PAK1: variants seen among roughly 807,000 people sequenced by gnomAD.
The protein encoded by PAK1 is p21 (RAC1) activated kinase 1.
A neutral mutation model predicts 67.4 loss-of-function variants in PAK1; 29 were observed. The ratio of observed to expected loss-of-function variants is 0.43; its 90% confidence interval spans 0.32 to 0.59. The LOEUF (loss-of-function observed/expected upper bound fraction) is 0.59. PAK1 is among the 20% of genes least tolerant of loss of function. The probability of loss-of-function intolerance (pLI) is 0.07; values close to 1 mark genes in which losing one functional copy is unlikely to be tolerated. For missense variants in PAK1, 337 were observed against 670.7 expected (o/e 0.50, Z 5.50); for synonymous variants, 223 against 237.4 (o/e 0.94, Z 0.56).
intron 1 of PAK1, among the ~76,000 whole-genome samples, chr11:77,429,094 A>AAAAAAAAAAAAAAC (rs1565696623): frequency 9.7e-6 from 1 of 102,638 alleles, no homozygotes; most frequent in African/African-American, 1.0e-4. Flanking sequence ...AAAAAAAAAA[A>AAAAAAAAAAAAAAC]CACACACACA....
At chr11:77,341,375 A>G (rs1027047602) in intron 10 of PAK1, among the ~76,000 whole-genome samples, 2 of 152,246 alleles carry the variant, frequency 1.3e-5, no homozygotes, top group African/African-American at 4.8e-5. Flanking sequence ...TGTTGTATAC[A>G]TAGTCATTAT....
chr11:77,373,187 T>C (rs1248670671), intron 5 of PAK1, among the ~76,000 whole-genome samples: 1 of 152,128 alleles, frequency 6.6e-6, no homozygotes, highest in Non-Finnish European at 1.5e-5. Flanking sequence ...TGCAAATGTT[T>C]AGTAAATCAA....
At chr11:77,381,795 G>A (rs973623710) in intron 2 of PAK1, among the ~76,000 whole-genome samples, 13 of 152,170 alleles carry the variant, frequency 8.5e-5, no homozygotes, top group Admixed American at 7.2e-4. Context: ...GATTCCAAAC[G>A]TTCATTCTTC....
intron 1 of PAK1, among the ~76,000 whole-genome samples, chr11:77,460,985 T>A (rs1254498955): frequency 6.6e-6 from 1 of 152,084 alleles, no homozygotes; most frequent in Non-Finnish European, 1.5e-5. Context: ...GGCAGAAAAC[T>A]AGGCTTGTGG....
intron 8 of PAK1, among the ~76,000 whole-genome samples, chr11:77,350,747 G>A (rs1945127936): frequency 6.6e-6 from 1 of 152,072 alleles, no homozygotes; most frequent in South Asian, 2.1e-4. Context: ...TCTTTAGTTG[G>A]GACCCTAGCT....
the PAK1 span, among the ~76,000 whole-genome samples, chr11:77,505,917 C>T: frequency 3.3e-5 from 5 of 152,108 alleles, no homozygotes; most frequent in African/African-American, 4.8e-5. Context: ...CAGCCAGGTC[C>T]GGCGCCAGGG....
intron 1 of PAK1, among the ~76,000 whole-genome samples, chr11:77,465,339 C>T (rs1481866089): frequency 6.6e-6 from 1 of 152,030 alleles, no homozygotes; most frequent in African/African-American, 2.4e-5. Flanking sequence ...AACTTCTGTT[C>T]ATTTATAAAA....
chr11:77,449,382 CTGTTCTCA>C, intron 1 of PAK1, among the ~76,000 whole-genome samples: 1 of 152,338 alleles, frequency 6.6e-6, no homozygotes, highest in Middle Eastern at 3.4e-3. Flanking sequence ...CATCAACTAT[CTGTTCTCA>C]TGTTAATGAA....
chr11:77,339,089 T>C (rs1407764936), intron 11 of PAK1, among the ~76,000 whole-genome samples: 1 of 152,152 alleles, frequency 6.6e-6, no homozygotes, highest in Non-Finnish European at 1.5e-5. Context: ...TCAATAAAGA[T>C]TTTTTAAAAG....
the PAK1 span, among the ~76,000 whole-genome samples, chr11:77,526,549 A>G: frequency 8.5e-5 from 13 of 152,352 alleles, no homozygotes; most frequent in Admixed American, 2.0e-4. Flanking sequence ...GAACAATATT[A>G]TATGTGTGGT....
At chr11:77,407,870 T>G (rs1245184618) in intron 1 of PAK1, among the ~76,000 whole-genome samples, 1 of 151,336 alleles carries the variant, frequency 6.6e-6, no homozygotes, top group African/African-American at 2.5e-5. Flanking sequence ...TAATGAGTGT[T>G]TGTTTGGCTA....
chr11:77,354,445 G>A (rs1457168452), intron 7 of PAK1, among the ~76,000 whole-genome samples: 2 of 152,122 alleles, frequency 1.3e-5, no homozygotes, highest in African/African-American at 4.8e-5. Context: ...GAAAAATGAG[G>A]TTTAGAGAAC....
In PAK1 at chr11:77,336,107, G is replaced by T; in HGVS notation, c.1392C>A (p.Tyr464Ter). 6.2e-7 allele frequency: 1 copy of T among 1,610,198 alleles called. No homozygotes were observed. Residue 464 changes from tyrosine to a stop codon, truncating the protein, a stop_gained, in exon 13 of 15, where the codon TAC becomes TAA. Transcript: ENST00000356341. LOFTEE classifies it high-confidence loss of function. Reference protein sequence around the residue: ...AIEMIEGEPPYLNENPLRALY... With the variant: ...AIEMIEGEPP Reference sequence around the variant, plus strand: ...TCACTCTCAGAGGGTTTTCATTGAGGTATGGAGGCTCCCCTTCAATCATTT... The same window carrying T: ...TCACTCTCAGAGGGTTTTCATTGAGTTATGGAGGCTCCCCTTCAATCATTT...
chr11:77,405,745 A>T (rs531165697), intron 1 of PAK1, among the ~76,000 whole-genome samples: 1 of 150,926 alleles, frequency 6.6e-6, no homozygotes, highest in East Asian at 2.0e-4. Context: ...CCTCCTCCAA[A>T]TACCACTTAT....
At chr11:77,446,260 C>G in intron 1 of PAK1, among the ~76,000 whole-genome samples, 1 of 152,046 alleles carries the variant, frequency 6.6e-6, no homozygotes, top group East Asian at 1.9e-4. Context: ...ACCTGTAATC[C>G]CAGCACTTTG....
intron 11 of PAK1, among the ~76,000 whole-genome samples, 160 bp from the exon 12 acceptor site, chr11:77,337,583 C>T (rs1942913686): frequency 6.6e-6 from 1 of 152,202 alleles, no homozygotes; most frequent in South Asian, 2.1e-4. Flanking sequence ...AGAGCCAGAT[C>T]TAGAAACAAG....
chr11:77,445,837 C>A (rs919396871), intron 1 of PAK1, among the ~76,000 whole-genome samples: 6 of 152,184 alleles, frequency 3.9e-5, no homozygotes, highest in African/African-American at 1.2e-4. Context: ...CCACTTCTCC[C>A]TTCTTGATCG....
At chr11:77,464,041 A>G (rs192593258) in intron 1 of PAK1, among the ~76,000 whole-genome samples, 8 of 152,364 alleles carry the variant, frequency 5.3e-5, no homozygotes, top group African/African-American at 1.7e-4. Context: ...AACCAATATA[A>G]AAAGTTAATG....
At chr11:77,352,763 A>G (rs1022691948) in intron 8 of PAK1, among the ~76,000 whole-genome samples, 2 of 152,084 alleles carry the variant, frequency 1.3e-5, no homozygotes, top group Non-Finnish European at 2.9e-5. Flanking sequence ...ATAATTGCCT[A>G]CAGTATTCAG....
Sources: gnomAD v4.1 joint callset for allele counts (sites outside exome capture counted in the v4.1 genomes callset) on GRCh38, gnomAD v4.1.1 for gene constraint, MANE v1.5 for transcripts, NCBI Gene and HGNC (gene_info 2026-07-23, HGNC 2026-07-21) for gene names.